The following DLG2 variants were observed in gnomAD, a reference collection of about 807,000 sequenced individuals.
DLG2 encodes the protein discs large MAGUK scaffold protein 2.
A neutral mutation model predicts 132.5 loss-of-function variants in DLG2; 45 were observed. That is an observed-to-expected ratio of 0.34 (90% CI 0.27 to 0.44). The LOEUF is 0.44. Ranked by LOEUF, DLG2 falls within the 20% of genes least tolerant of loss-of-function variation. The pLI, the probability that DLG2 is intolerant of heterozygous loss-of-function variation, is 1.00. For missense variants in DLG2, 1,045 were observed against 1,196.9 expected, an observed-to-expected ratio of 0.87 and a Z score of 1.87; for synonymous variants, 424 against 419.6, an observed-to-expected ratio of 1.01 and a Z score of -0.13.
intron 14 of DLG2, among the ~76,000 whole-genome samples, chr11:83,959,449 C>T (rs2087877448): frequency 1.3e-5 from 2 of 151,958 alleles, no homozygotes; most frequent in Non-Finnish European, 2.9e-5. Context: ...GCCCAAGTTC[C>T]GTTATTAGAG....
At chr11:84,461,993 C>G (rs993927450) in intron 7 of DLG2, among the ~76,000 whole-genome samples, 1 of 150,866 alleles carries the variant, frequency 6.6e-6, no homozygotes, top group Non-Finnish European at 1.5e-5. Context: ...ATCAGAAAGA[C>G]AGGAGATCAA....
At chr11:83,783,739 C>G (rs896049626) in intron 18 of DLG2, among the ~76,000 whole-genome samples, 2 of 152,118 alleles carry the variant, frequency 1.3e-5, no homozygotes, top group African/African-American at 4.8e-5. Flanking sequence ...CCCTCCACTC[C>G]TGAATAGAAA....
intron 3 of DLG2, among the ~76,000 whole-genome samples, chr11:85,498,595 A>C (rs370693176): frequency 4.6e-5 from 7 of 152,200 alleles, no homozygotes; most frequent in Non-Finnish European, 1.0e-4. Flanking sequence ...AGACTTCTAC[A>C]GAACTCCCCA....
intron 6 of DLG2, among the ~76,000 whole-genome samples, chr11:85,099,777 T>C (rs756941431): frequency 3.0e-4 from 46 of 152,106 alleles, no homozygotes; most frequent in Non-Finnish European, 5.0e-4. Context: ...TCCGCAGTGG[T>C]CTAACAATAC....
chr11:84,714,527 CTCTTTCTCTTTCTCTT>C (rs1565747563), intron 6 of DLG2, among the ~76,000 whole-genome samples: 7 of 103,740 alleles, frequency 6.7e-5, no homozygotes, highest in African/African-American at 5.6e-4. Flanking sequence ...AACCCATTTC[CTCTTTCTCTTTCTCTT>C]TCTCTTTCTC....
rs78445433 is a variant in DLG2 at position 84,736,370 on chromosome 11, A to G, written c.358-201639T>C. ...GTTTTGACTCTCCTAGGTACTTTAAATTTTCATACAATTTTTAGAATTAAC... is the reference window on the plus strand; with the variant it reads ...GTTTTGACTCTCCTAGGTACTTTAAGTTTTCATACAATTTTTAGAATTAAC... On this transcript the variant is annotated intron_variant, in intron 6 of 27. Coordinates refer to ENST00000376104, the MANE Select transcript of DLG2 (RefSeq NM_001142699.3). 1.1e-3 allele frequency among the ~76,000 whole-genome samples: 162 copies of G among 151,664 alleles called. 5 individuals carry two copies. In the East Asian group the frequency reaches 0.03, roughly 28 times the overall value.
intron 8 of DLG2, among the ~76,000 whole-genome samples, chr11:84,249,718 T>C (rs750304122): frequency 4.6e-5 from 7 of 152,298 alleles, no homozygotes; most frequent in Admixed American, 2.6e-4. Context: ...CTTTAAGACA[T>C]TGCTTTGTTT....
chr11:84,091,230 A>G (rs1313254508), intron 10 of DLG2, among the ~76,000 whole-genome samples: 1 of 152,234 alleles, frequency 6.6e-6, no homozygotes. Flanking sequence ...CACTGTTCAG[A>G]GAAATTCATC....
At chr11:84,120,799 G>T (rs1303570467) in intron 9 of DLG2, among the ~76,000 whole-genome samples, 1 of 152,300 alleles carries the variant, frequency 6.6e-6, no homozygotes, top group East Asian at 1.9e-4. Context: ...CTACACAGGT[G>T]ACAATGTTTA....
chr11:83,898,982 A>G (rs2072623858), intron 15 of DLG2, among the ~76,000 whole-genome samples: 1 of 152,202 alleles, frequency 6.6e-6, no homozygotes, highest in Non-Finnish European at 1.5e-5. Flanking sequence ...CTGTTCTGAT[A>G]GGTGAGGATT....
chr11:84,387,956 G>A (rs2098777508), intron 7 of DLG2, among the ~76,000 whole-genome samples: 1 of 152,160 alleles, frequency 6.6e-6, no homozygotes, highest in African/African-American at 2.4e-5. Flanking sequence ...AAAGCCAATT[G>A]TAGGGAGGGA....
chr11:84,736,839 T>A (rs553210714), intron 6 of DLG2, among the ~76,000 whole-genome samples: 3 of 152,026 alleles, frequency 2.0e-5, no homozygotes, highest in Admixed American at 1.3e-4. Context: ...GAGTTTTACA[T>A]CTTCCTTTGC....
intron 5 of DLG2, among the ~76,000 whole-genome samples, chr11:85,122,213 A>C (rs1347496941): frequency 3.9e-5 from 6 of 152,240 alleles, no homozygotes; most frequent in Non-Finnish European, 7.3e-5. Context: ...AACCAGATAA[A>C]GACTATAACA....
intron 8 of DLG2, among the ~76,000 whole-genome samples, chr11:84,233,204 C>T (rs1388217907): frequency 2.6e-5 from 4 of 152,126 alleles, no homozygotes; most frequent in African/African-American, 9.7e-5. Context: ...TGTCAGGTAA[C>T]CATCAGGTGA....
intron 3 of DLG2, among the ~76,000 whole-genome samples, chr11:85,540,162 A>T (rs77517106): frequency 6.6e-6 from 1 of 152,306 alleles, no homozygotes; most frequent in African/African-American, 2.4e-5. Context: ...GTCCCTGGTG[A>T]GGGATCCACC....
intron 18 of DLG2, among the ~76,000 whole-genome samples, chr11:83,759,865 A>T (rs2093824402): frequency 6.6e-6 from 1 of 152,238 alleles, no homozygotes; most frequent in African/African-American, 2.4e-5. Context: ...AACATTGATA[A>T]TAATTACCAG....
At chr11:84,032,219 G>A (rs554003485) in intron 11 of DLG2, among the ~76,000 whole-genome samples, 1 of 152,258 alleles carries the variant, frequency 6.6e-6, no homozygotes, top group Admixed American at 6.5e-5. Flanking sequence ...GCTTAGTGAG[G>A]AAGGCATGTT....
chr11:85,004,365 G>A (rs684055), intron 6 of DLG2, among the ~76,000 whole-genome samples: 107,396 of 151,980 alleles, frequency 0.71, 38,936 homozygotes, highest in East Asian at 0.92. Context: ...ATTTCTCCAC[G>A]TCCTCTCCAG....
At chr11:83,980,789 A>G in intron 11 of DLG2, 147 bp from the exon 12 acceptor site, 2 of 806,064 alleles carry the variant, frequency 2.5e-6, no homozygotes. Context: ...ACTGTATTTC[A>G]ATCTCGTTAT....
Sources: allele counts gnomAD v4.1 joint callset (sites outside exome capture counted in the v4.1 genomes callset), GRCh38; gene constraint gnomAD v4.1.1; transcripts MANE v1.5; gene names NCBI Gene and HGNC (gene_info 2026-07-23, HGNC 2026-07-21).